The following RAD51B variants were observed in gnomAD, a reference collection of about 807,000 sequenced individuals.
RAD51B encodes the protein RAD51 paralog B, also known as DNA repair protein RAD51 homolog 2.
RAD51B carries 38 observed loss-of-function variants against 42.2 expected under a neutral mutation model. That is an observed-to-expected ratio of 0.90 (90% CI 0.70 to 1.18). The LOEUF is 1.18. Among genes scored for constraint, RAD51B ranks in the 50% most tolerant of loss-of-function variants. RAD51B has a pLI of 0.00. For synonymous variants in RAD51B, 154 were observed against 145.2 expected, an observed-to-expected ratio of 1.06 and a Z score of -0.43; for missense variants, 373 against 400.7, an observed-to-expected ratio of 0.93 and a Z score of 0.59.
At chr14:68,478,131 T>G, downstream of RAD51B, 1 of 1,028,338 alleles carries the variant, frequency 9.7e-7, no homozygotes, top group Non-Finnish European at 1.2e-6. Flanking sequence ...GGTCTCCAAA[T>G]AGTAACCGAT....
intron 7 of RAD51B, among the ~76,000 whole-genome samples, chr14:67,950,273 C>T (rs1455011493): frequency 6.6e-6 from 1 of 152,246 alleles, no homozygotes; most frequent in Non-Finnish European, 1.5e-5. Flanking sequence ...GGATAGCCAC[C>T]TTCATCAGTG....
intron 4 of RAD51B, among the ~76,000 whole-genome samples, chr14:67,851,634 T>A (rs1197496781): frequency 6.6e-6 from 1 of 150,974 alleles, no homozygotes; most frequent in Non-Finnish European, 1.5e-5. Context: ...TCAGTTGCCT[T>A]TGGGAGTGAT....
intron 8 of RAD51B, among the ~76,000 whole-genome samples, chr14:68,341,237 G>A (rs1044270200): frequency 6.6e-6 from 1 of 152,176 alleles, no homozygotes; most frequent in African/African-American, 2.4e-5. Flanking sequence ...GAAGGGTTGA[G>A]TTATATGCAA....
intron 7 of RAD51B, among the ~76,000 whole-genome samples, chr14:67,922,702 T>C (rs1385940409): frequency 6.6e-6 from 1 of 151,044 alleles, no homozygotes; most frequent in East Asian, 1.9e-4. Flanking sequence ...TTTTTTTTTT[T>C]TCTTTTTGAG....
chr14:68,138,212 T>G (rs760087357), intron 7 of RAD51B, among the ~76,000 whole-genome samples: 28 of 152,286 alleles, frequency 1.8e-4, no homozygotes, highest in South Asian at 6.2e-4. Context: ...TGTTACTTCA[T>G]GTGGTAATGG....
chr14:68,306,158 G>T (rs189286393), intron 8 of RAD51B, among the ~76,000 whole-genome samples: 1 of 152,140 alleles, frequency 6.6e-6, no homozygotes, highest in Non-Finnish European at 1.5e-5. Context: ...ATTAACAAAC[G>T]TTTGTAGCCA....
Position 68,417,967 on chromosome 14 carries a change from G to A in RAD51B, c.957+6440G>A, listed in dbSNP as rs556198301. 7.2e-5 allele frequency among the ~76,000 whole-genome samples: 11 copies of A among 152,272 alleles called. No individual in the cohort carries two copies. The South Asian group carries it at 1.9e-3, about 26-fold the overall frequency. On this transcript the variant is annotated intron_variant, in intron 9 of 10. Coordinates refer to ENST00000471583, the MANE Select transcript of RAD51B (RefSeq NM_133510.4). The stretch of plus-strand genomic sequence containing the variant: ...GTCCCCTTTCCCATGCTTTGACCAC[G>A]ATAGACCGTGTACCTTTGCTAAGGT...
rs550176094 is a variant in RAD51B, at chr14:68,659,566, TC to T, written c.*11+8713del. ...GGCAGGAAACAGGACCTTGGGAGGG[TC>T]CCGACTGCCCTGAGAGCCTGGGCAA... On this transcript the variant is annotated intron_variant, in intron 11 of 11. Coordinates refer to the RAD51B transcript ENST00000488612. Among the ~76,000 whole-genome samples, 25 of 152,120 alleles carry T rather than the reference TC, an allele frequency of 1.6e-4. 1 individual carries two copies. The South Asian group carries it at 5.2e-3, about 32-fold the overall frequency.
intron 7 of RAD51B, among the ~76,000 whole-genome samples, chr14:68,184,608 T>TG (rs1566712620): frequency 1.4e-4 from 3 of 21,576 alleles, no homozygotes; most frequent in Non-Finnish European, 4.0e-4. Context: ...AGGCCCTGTC[T>TG]AAAAAAAAAA....
intron 7 of RAD51B, among the ~76,000 whole-genome samples, chr14:68,103,147 C>T (rs2077320106): frequency 6.6e-6 from 1 of 152,110 alleles, no homozygotes. Context: ...TTTGGGTGGG[C>T]ACACAGCCAA....
At chr14:68,439,034 G>T (rs2085215733) in intron 9 of RAD51B, among the ~76,000 whole-genome samples, 1 of 152,038 alleles carries the variant, frequency 6.6e-6, no homozygotes, top group Non-Finnish European at 1.5e-5. Context: ...TGCTCTACTT[G>T]ATACCACAGG....
At chr14:68,098,409 T>C (rs1281095753) in intron 7 of RAD51B, among the ~76,000 whole-genome samples, 1 of 152,328 alleles carries the variant, frequency 6.6e-6, no homozygotes, top group East Asian at 1.9e-4. Flanking sequence ...GCATTATGTG[T>C]ATATTAATCC....
At chr14:68,270,090 G>A (rs2081075383) in intron 7 of RAD51B, among the ~76,000 whole-genome samples, 1 of 152,182 alleles carries the variant, frequency 6.6e-6, no homozygotes, top group African/African-American at 2.4e-5. Context: ...GAATAACTTT[G>A]CGATAACTTT....
At chr14:68,362,844 G>A (rs1000501926) in intron 8 of RAD51B, among the ~76,000 whole-genome samples, 2 of 150,668 alleles carry the variant, frequency 1.3e-5, no homozygotes, top group Admixed American at 6.6e-5. Context: ...GTGAGATTCC[G>A]TCTCAAAAAA....
chr14:68,134,466 G>A (rs1313808775), intron 7 of RAD51B, among the ~76,000 whole-genome samples: 1 of 152,134 alleles, frequency 6.6e-6, no homozygotes, highest in Non-Finnish European at 1.5e-5. Flanking sequence ...GTATCAAAGA[G>A]TACAATCCTG....
At chr14:68,604,265 T>G (rs1314027479) in intron 10 of RAD51B, among the ~76,000 whole-genome samples, 3 of 148,188 alleles carry the variant, frequency 2.0e-5, no homozygotes, top group Admixed American at 6.8e-5. Context: ...AAACTCCCCC[T>G]GCACAAGGCC....
chr14:68,041,272 G>A (rs1367804077), intron 7 of RAD51B, among the ~76,000 whole-genome samples: 1 of 152,126 alleles, frequency 6.6e-6, no homozygotes, highest in Non-Finnish European at 1.5e-5. Flanking sequence ...GTGGAACCGT[G>A]AGCCAACTAA....
At chr14:67,825,778 G>A (rs1209591004) in intron 3 of RAD51B, among the ~76,000 whole-genome samples, 1 of 152,108 alleles carries the variant, frequency 6.6e-6, no homozygotes, top group Non-Finnish European at 1.5e-5. Context: ...TGCCCAGGCT[G>A]GAGGGCAGTT....
intron 7 of RAD51B, among the ~76,000 whole-genome samples, chr14:68,137,832 C>T (rs1291127463): frequency 6.6e-6 from 1 of 152,210 alleles, no homozygotes; most frequent in East Asian, 1.9e-4. Context: ...CCTGACACTG[C>T]CTGTTGCTGC....
Sources: gnomAD v4.1 joint callset for allele counts (sites outside exome capture counted in the v4.1 genomes callset) on GRCh38, gnomAD v4.1.1 for gene constraint, MANE v1.5 for transcripts, NCBI Gene and HGNC (gene_info 2026-07-23, HGNC 2026-07-21) for gene names.